The following WLS variants were observed in gnomAD, a reference collection of about 807,000 sequenced individuals.
WLS encodes Wnt ligand secretion mediator, also known as protein wntless homolog.
WLS carries 23 observed loss-of-function variants against 62.8 expected under a neutral mutation model. The observed-to-expected ratio is 0.37, with a 90% CI of 0.26 to 0.52. The LOEUF (loss-of-function observed/expected upper bound fraction) is 0.52, where lower values mean the gene tolerates loss of function less well. WLS is among the 20% of genes least tolerant of loss of function. The pLI, the probability that WLS is intolerant of heterozygous loss-of-function variation, is 0.92. For missense variants in WLS, 615 were observed against 697.3 expected (o/e 0.88, Z 1.33); for synonymous variants, 246 against 244.1 (o/e 1.01, Z -0.07).
chr1:68,138,181 G>C, intron 10 of WLS: 1 of 465,968 alleles, frequency 2.1e-6, no homozygotes, highest in Non-Finnish European at 3.8e-6. Context: ...GTATCACCTG[G>C]GGAGTGTCTC....
chr1:68,178,865 T>A (rs1458334793), intron 2 of WLS, among the ~76,000 whole-genome samples: 1 of 152,182 alleles, frequency 6.6e-6, no homozygotes, highest in Admixed American at 6.5e-5. Flanking sequence ...ATCGAATGAA[T>A]GAATGAAATT....
intron 5 of WLS, among the ~76,000 whole-genome samples, chr1:68,152,958 T>C (rs1646847121): frequency 6.6e-6 from 1 of 152,086 alleles, no homozygotes; most frequent in Admixed American, 6.5e-5. Flanking sequence ...CCACGGAATA[T>C]CCCGAAGAGC....
intron 11 of WLS, among the ~76,000 whole-genome samples, chr1:68,115,025 G>T (rs1357008444): frequency 6.6e-6 from 1 of 152,224 alleles, no homozygotes; most frequent in East Asian, 1.9e-4. Context: ...TTCTCATAAT[G>T]CTGGTCTGCA....
chr1:68,105,603 A>G (rs1334253168), intron 11 of WLS, among the ~76,000 whole-genome samples: 1 of 152,186 alleles, frequency 6.6e-6, no homozygotes, highest in Non-Finnish European at 1.5e-5. Flanking sequence ...CCAAATGAAA[A>G]AGGCATCTTG....
intron 11 of WLS, among the ~76,000 whole-genome samples, chr1:68,116,610 G>C (rs1048158623): frequency 2.0e-5 from 3 of 152,132 alleles, no homozygotes; most frequent in African/African-American, 7.2e-5. Context: ...AATATCAAGT[G>C]ATTAAAATCC....
At chr1:68,131,778 ATTAAG>A (rs944646920) in intron 11 of WLS, among the ~76,000 whole-genome samples, 6 of 152,218 alleles carry the variant, frequency 3.9e-5, no homozygotes, top group South Asian at 2.1e-4. Context: ...TAAAGAAGTA[ATTAAG>A]TTAACAATGA....
exon 12 of WLS, chr1:68,098,623 C>A (rs751788591): frequency 6.2e-7 from 1 of 1,613,250 alleles, no homozygotes; most frequent in Non-Finnish European, 8.5e-7. Context: ...CATGTGTTGC[C>A]TTGTTGACTC....
downstream of WLS, among the ~76,000 whole-genome samples, chr1:68,124,101 T>G (rs1014278616): frequency 6.6e-6 from 1 of 152,206 alleles, no homozygotes. Context: ...GATCGATCTT[T>G]CTGTGCAACC....
At chr1:68,169,034 A>T (rs1000011433) in intron 2 of WLS, among the ~76,000 whole-genome samples, 3 of 152,256 alleles carry the variant, frequency 2.0e-5, no homozygotes, top group East Asian at 1.9e-4. Context: ...TTTGCAAACC[A>T]GCCTAACAGT....
At chr1:68,135,305 C>CTTTTTTT (rs71581156) in intron 11 of WLS, among the ~76,000 whole-genome samples, 31 of 66,794 alleles carry the variant, frequency 4.6e-4, no homozygotes, top group South Asian at 8.2e-4. Flanking sequence ...CCATGCCTGG[C>CTTTTTTT]TTTTTTTTTT....
At chr1:68,180,854 A>G (rs1158147216) in intron 2 of WLS, among the ~76,000 whole-genome samples, 1 of 152,232 alleles carries the variant, frequency 6.6e-6, no homozygotes, top group African/African-American at 2.4e-5. Flanking sequence ...TTATTTTAGC[A>G]AACAACCTGG....
intron 11 of WLS, among the ~76,000 whole-genome samples, chr1:68,108,486 C>T (rs1557444664): frequency 6.6e-6 from 1 of 152,212 alleles, no homozygotes; most frequent in Non-Finnish European, 1.5e-5. Context: ...CCCACTCCAG[C>T]CACCCAGCCC....
chr1:68,171,706 C>G (rs1647156265), intron 2 of WLS, among the ~76,000 whole-genome samples: 1 of 152,230 alleles, frequency 6.6e-6, no homozygotes, highest in Non-Finnish European at 1.5e-5. Flanking sequence ...CACTTTTACA[C>G]TGTTGGTAAG....
intron 1 of WLS, among the ~76,000 whole-genome samples, chr1:68,226,063 C>A (rs561643832): frequency 6.6e-6 from 1 of 152,188 alleles, no homozygotes; most frequent in East Asian, 1.9e-4. Context: ...TGGCAAGGCA[C>A]TTTTTGGGTC....
intron 1 of WLS, among the ~76,000 whole-genome samples, chr1:68,216,694 C>T (rs929165027): frequency 6.6e-6 from 1 of 152,146 alleles, no homozygotes; most frequent in African/African-American, 2.4e-5. Flanking sequence ...AGCAGACAGG[C>T]ACACTTTACA....
chr1:68,198,385 A>G (rs1648797525), intron 1 of WLS, among the ~76,000 whole-genome samples: 1 of 152,210 alleles, frequency 6.6e-6, no homozygotes, highest in Non-Finnish European at 1.5e-5. Flanking sequence ...GTATTTCAAT[A>G]CAGTATTTTT....
intron 1 of WLS, among the ~76,000 whole-genome samples, chr1:68,227,656 A>T (rs1276521871): frequency 6.6e-6 from 1 of 152,172 alleles, no homozygotes; most frequent in Admixed American, 6.5e-5. Context: ...CTAGTAGTTA[A>T]CAAAGAGGAA....
intron 11 of WLS, among the ~76,000 whole-genome samples, chr1:68,109,707 GAA>G (rs1646196080): frequency 6.6e-6 from 1 of 151,890 alleles, no homozygotes; most frequent in Non-Finnish European, 1.5e-5. Flanking sequence ...TTATAAATAA[GAA>G]AGAAGGATCA....
At chr1:68,210,137 T>G (rs553613941) in intron 1 of WLS, among the ~76,000 whole-genome samples, 3 of 152,322 alleles carry the variant, frequency 2.0e-5, no homozygotes, top group South Asian at 2.1e-4. Flanking sequence ...TTTTGAATTA[T>G]GAATTTTCTG....
Sources: gnomAD v4.1 joint callset for allele counts (sites outside exome capture counted in the v4.1 genomes callset) on GRCh38, gnomAD v4.1.1 for gene constraint, MANE v1.5 for transcripts, NCBI Gene and HGNC (gene_info 2026-07-23, HGNC 2026-07-21) for gene names.